Variants in LARGE1 observed in about 807,000 individuals in gnomAD.
LARGE1 encodes the protein LARGE xylosyl- and glucuronyltransferase 1, also known as xylosyl- and glucuronyltransferase LARGE1.
In LARGE1, 43 loss-of-function variants were observed where a neutral mutation model predicts 87.6. The observed-to-expected ratio is 0.49, with a 90% CI of 0.38 to 0.63. LARGE1 has a LOEUF of 0.63. LARGE1 is among the 30% of genes least tolerant of loss of function. The pLI is 0.00. For missense variants in LARGE1, 802 were observed against 1,000.2 expected, an observed-to-expected ratio of 0.80 and a Z score of 2.67; for synonymous variants, 434 against 394.6, an observed-to-expected ratio of 1.10 and a Z score of -1.18.
At chr22:33,565,106 C>T (rs1292764185) in intron 5 of LARGE1, 87 bp from the exon 6 acceptor site, 22 of 1,180,278 alleles carry the variant, frequency 1.9e-5, no homozygotes, top group Non-Finnish European at 2.6e-5. Context: ...TAAATAGTGC[C>T]TAGCACACAA....
At chr22:33,243,908 C>T (rs1187770260) in intron 11 of LARGE1, among the ~76,000 whole-genome samples, 1 of 152,170 alleles carries the variant, frequency 6.6e-6, no homozygotes, top group Non-Finnish European at 1.5e-5. Context: ...AAACCCACTC[C>T]AGGCAAAAGT....
At chr22:33,171,116 T>A (rs895364342) in intron 11 of LARGE1, among the ~76,000 whole-genome samples, 8 of 152,014 alleles carry the variant, frequency 5.3e-5, no homozygotes, top group Non-Finnish European at 7.4e-5. Flanking sequence ...TAGAGATCTG[T>A]GGAACTTTAA....
chr22:33,078,023 C>T, the LARGE1 span, among the ~76,000 whole-genome samples: 4 of 151,302 alleles, frequency 2.6e-5, no homozygotes, highest in South Asian at 2.1e-4. Context: ...AGAAGACTGG[C>T]GTAAAAAAGA....
At chr22:33,589,449 C>T (rs548810951) in intron 5 of LARGE1, among the ~76,000 whole-genome samples, 36 of 151,612 alleles carry the variant, frequency 2.4e-4, no homozygotes, top group African/African-American at 7.0e-4. Flanking sequence ...ATTAAATTTA[C>T]CAGAGGTTTG....
intron 4 of LARGE1, among the ~76,000 whole-genome samples, chr22:33,624,102 T>C (rs1460156035): frequency 1.3e-5 from 2 of 152,172 alleles, no homozygotes; most frequent in Non-Finnish European, 2.9e-5. Context: ...TATAGTGTCA[T>C]GAATGTGGAA....
intron 7 of LARGE1, among the ~76,000 whole-genome samples, chr22:33,385,527 CAAAAAAAAAAA>C (rs75780176): frequency 5.1e-5 from 1 of 19,434 alleles, no homozygotes; most frequent in Non-Finnish European, 1.1e-4. Context: ...GACACCGTCT[CAAAAAAAAAAA>C]AAAAAAAAAA....
intron 12 of LARGE1, among the ~76,000 whole-genome samples, chr22:33,300,563 A>G (rs1294051440): frequency 6.6e-6 from 1 of 151,668 alleles, no homozygotes; most frequent in African/African-American, 2.4e-5. Flanking sequence ...TTTTTTGGAG[A>G]TGGAGTCTCA....
At chr22:33,199,140 G>T (rs1055335471) in intron 11 of LARGE1, among the ~76,000 whole-genome samples, 2 of 151,546 alleles carry the variant, frequency 1.3e-5, no homozygotes, top group Non-Finnish European at 2.9e-5. Flanking sequence ...TCAGCCGCTT[G>T]TATGTCTTCT....
the LARGE1 span, among the ~76,000 whole-genome samples, chr22:33,075,769 T>G: frequency 1.3e-5 from 2 of 152,198 alleles, no homozygotes; most frequent in Non-Finnish European, 2.9e-5. Flanking sequence ...ATCACATTCC[T>G]TCCTCTTCAA....
rs200104873 is a variant in LARGE1 at position 33,430,587 on chromosome 22, G to GA, written c.892+1573dup. 2.2e-3 allele frequency among the ~76,000 whole-genome samples: 325 copies of GA among 150,714 alleles called. 2 individuals carry two copies. Among genetic ancestry groups the GA allele is most frequent in the African/African-American group, 7.5e-3 (308 of 41,094 alleles). ...TCTGTTTGCCTGGTAGGCATTACAG[G>GA]AAAAAAAAAATTACATAGAGCAAGG... On this transcript the variant is annotated intron_variant, in intron 7 of 14. Transcript: ENST00000397394.
chr22:33,840,295 C>T (rs985319727), intron 1 of LARGE1, among the ~76,000 whole-genome samples: 2 of 152,088 alleles, frequency 1.3e-5, no homozygotes, highest in Admixed American at 6.6e-5. Flanking sequence ...AAAAAGGGAC[C>T]TAGTTTTTAA....
the LARGE1 span, among the ~76,000 whole-genome samples, chr22:33,071,473 G>A: frequency 6.6e-6 from 1 of 152,072 alleles, no homozygotes; most frequent in Non-Finnish European, 1.5e-5. Flanking sequence ...TTGTTGTAGG[G>A]GGCACATTTG....
At chr22:33,449,680 T>C (rs1754630306) in intron 6 of LARGE1, among the ~76,000 whole-genome samples, 1 of 152,254 alleles carries the variant, frequency 6.6e-6, no homozygotes, top group South Asian at 2.1e-4. Context: ...TGGGTTAGGC[T>C]GCCTGGTATA....
At chr22:33,567,862 A>AT (rs1472740620) in intron 5 of LARGE1, among the ~76,000 whole-genome samples, 2 of 152,078 alleles carry the variant, frequency 1.3e-5, no homozygotes, top group Non-Finnish European at 2.9e-5. Flanking sequence ...AACATGTGAT[A>AT]TTTGATTTTC....
chr22:33,385,334 G>T (rs922068384), intron 7 of LARGE1, among the ~76,000 whole-genome samples: 4 of 147,062 alleles, frequency 2.7e-5, no homozygotes, highest in Non-Finnish European at 6.1e-5. Flanking sequence ...GGTCAGATTA[G>T]CCTGGCCAAC....
At chr22:33,254,207 G>A (rs2145726032) in intron 11 of LARGE1, among the ~76,000 whole-genome samples, 1 of 152,304 alleles carries the variant, frequency 6.6e-6, no homozygotes, top group African/African-American at 2.4e-5. Context: ...TGCTCCTATT[G>A]AAGGTTTTTG....
chr22:33,667,269 C>T (rs1477005318), intron 2 of LARGE1, among the ~76,000 whole-genome samples: 4 of 152,228 alleles, frequency 2.6e-5, no homozygotes, highest in African/African-American at 9.6e-5. Context: ...CACCTGTGGA[C>T]TAAGAAGCGT....
downstream of LARGE1, among the ~76,000 whole-genome samples, chr22:33,161,213 T>A (rs1922012411): frequency 6.6e-6 from 1 of 152,096 alleles, no homozygotes. Flanking sequence ...GGTAACTGCC[T>A]CCATGATTCA....
At chr22:33,079,898 G>C in the LARGE1 span, among the ~76,000 whole-genome samples, 1 of 152,210 alleles carries the variant, frequency 6.6e-6, no homozygotes, top group South Asian at 2.1e-4. Context: ...TCTTTTCTCC[G>C]ACAATGGCAT....
Sources: allele counts gnomAD v4.1 joint callset (sites outside exome capture counted in the v4.1 genomes callset), GRCh38; gene constraint gnomAD v4.1.1; transcripts MANE v1.5; gene names NCBI Gene and HGNC (gene_info 2026-07-23, HGNC 2026-07-21).